HIF1A: variants seen among roughly 807,000 people sequenced by gnomAD.
The protein encoded by HIF1A is hypoxia inducible factor 1 subunit alpha, also known as hypoxia-inducible factor 1-alpha.
Under a neutral mutation model 92.7 loss-of-function variants are expected in HIF1A, and 24 were observed. That is an observed-to-expected ratio of 0.26 (90% CI 0.19 to 0.36). The LOEUF is 0.36. HIF1A is among the 10% of genes least tolerant of loss of function. HIF1A has a pLI of 1.00. For missense variants in HIF1A, 799 were observed against 998.5 expected (o/e 0.80, Z 2.69); for synonymous variants, 319 against 338.7 (o/e 0.94, Z 0.64).
intron 8 of HIF1A, among the ~76,000 whole-genome samples, chr14:61,736,224 G>A (rs4899057): frequency 0.67 from 101,983 of 151,944 alleles, 38,052 homozygotes; most frequent in Non-Finnish European, 0.81. Context: ...CGATCCACCC[G>A]CCTCAGCCTC....
chr14:61,737,237 T>C (rs540222007), intron 9 of HIF1A, 128 bp downstream of exon 9: 1 of 657,368 alleles, frequency 1.5e-6, no homozygotes, highest in African/African-American at 1.8e-5. Context: ...TGTTTATAGT[T>C]TTCTTAAATG....
Position 61,747,733 on chromosome 14 carries a change from A to C in HIF1A, c.*648A>C, listed in dbSNP as rs2044812174. The C allele has an allele frequency of 6.6e-6, 1 of 152,596 alleles. No homozygotes were observed. The highest frequency in any genetic ancestry group is 1.5e-5 in the Non-Finnish European group (1 of 68,002). 9.5% of individuals were successfully genotyped at this position (152,596 alleles called of 1,614,324 possible). A position where few individuals can be genotyped will look rare whatever the true frequency, so the allele number is the denominator to read the frequency against. ...GTTTATTATTTAAATGGGTAAAGCC[A>C]TTTACATAATATAGAAAGATATGCA... On this transcript the variant is annotated 3_prime_UTR_variant, in exon 15 of 15. Transcript: ENST00000337138.
At chr14:61,703,312 G>C (rs1339532373) in intron 1 of HIF1A, among the ~76,000 whole-genome samples, 1 of 152,062 alleles carries the variant, frequency 6.6e-6, no homozygotes, top group Non-Finnish European at 1.5e-5. Flanking sequence ...TTTAAATTTG[G>C]AACACTGGCA....
Position 61,737,051 on chromosome 14 carries a change from A to G in HIF1A, c.1191A>G (p.Leu397=). ...AACTTAAGAAGGAACCTGATGCTTT[A>G]ACTTTGCTGGCCCCAGCCGCTGGAG... ...FDKLKKEPDA[L]TLLAPAAGDT... is the part of the protein sequence containing the mutation. Residue 397 remains leucine (L), a synonymous_variant, in exon 9 of 15, where the codon TTA becomes TTG. Transcript: ENST00000337138. The G allele has an allele frequency of 6.2e-7, 1 of 1,614,204 alleles. No homozygotes were observed.
intron 4 of HIF1A, 45 bp downstream of exon 4, chr14:61,721,868 C>A: frequency 1.5e-6 from 2 of 1,348,128 alleles, no homozygotes; most frequent in Non-Finnish European, 2.1e-6. Context: ...GGTGGTTTTA[C>A]ATAATAAGAT....
At position 61,740,761 on chromosome 14, in the gene HIF1A, G is replaced by T; in HGVS notation, c.1666G>T (p.Asp556Tyr). Residue 556 changes from aspartate to tyrosine, a missense_variant, in exon 12 of 15, where the codon GAT becomes TAT. Coordinates refer to ENST00000337138, the MANE Select transcript of HIF1A (RefSeq NM_001530.4). Reference sequence around the variant, plus strand: ...TGTATTTGCTGTTTTAAAGGACACAGATTTAGACTTGGAGATGTTAGCTCC... The same window carrying T: ...TGTATTTGCTGTTTTAAAGGACACATATTTAGACTTGGAGATGTTAGCTCC... ...AKNPFSTQDT[D>Y]LDLEMLAPYI... 2 of 1,610,764 alleles carry T rather than the reference G, an allele frequency of 1.2e-6. No homozygotes were observed. Among genetic ancestry groups the T allele is most frequent in the Non-Finnish European group, 1.7e-6 (2 of 1,178,334 alleles).
chr14:61,728,262 A>G (rs1396129908), intron 6 of HIF1A, among the ~76,000 whole-genome samples: 2 of 152,114 alleles, frequency 1.3e-5, no homozygotes, highest in Non-Finnish European at 2.9e-5. Flanking sequence ...GTGTATTTTG[A>G]GCAAAGATAG....
intron 12 of HIF1A, among the ~76,000 whole-genome samples, chr14:61,742,248 C>T (rs1034814257): frequency 3.3e-5 from 5 of 152,168 alleles, no homozygotes; most frequent in African/African-American, 1.2e-4. Context: ...TAAGTTTTAT[C>T]TAATAAGTGT....
intron 1 of HIF1A, 94 bp downstream of exon 1, chr14:61,695,933 AT>A: frequency 1.7e-6 from 2 of 1,174,486 alleles, no homozygotes; most frequent in South Asian, 1.3e-5. Flanking sequence ...CGTTAATGGG[AT>A]TGGGGGGGGC....
rs769014483 is a variant in HIF1A, at chr14:61,721,756, C to T, written c.390C>T (p.His130=). ...MGLTQFELTG[H]SVFDFTHPCD... The stretch of plus-strand genomic sequence containing the variant: ...GTTTACAGTTTGAACTAACTGGACA[C>T]AGTGTGTTTGATTTTACTCATCCAT... The change falls in exon 4 of 15, where the codon CAC becomes CAT. Residue 130 remains histidine (H), a synonymous_variant. Coordinates refer to ENST00000337138, the MANE Select transcript of HIF1A (RefSeq NM_001530.4). 6.2e-7 allele frequency: 1 copy of T among 1,613,244 alleles called. No homozygotes were observed. The highest frequency in any genetic ancestry group is 1.7e-5 in the Admixed American group (1 of 60,008).
chr14:61,744,901 G>A (rs1474486912), intron 13 of HIF1A, 88 bp downstream of exon 13: 5 of 555,570 alleles, frequency 9.0e-6, no homozygotes, highest in East Asian at 3.1e-5. Flanking sequence ...GTGTTTCCAC[G>A]TTTCTTCCAA....
intron 8 of HIF1A, 97 bp from the exon 9 acceptor site, chr14:61,736,792 T>C (rs2044643283): frequency 1.3e-6 from 1 of 777,582 alleles, no homozygotes; most frequent in Non-Finnish European, 2.1e-6. Context: ...TTCCTGTCCA[T>C]AAAGCAGAAT....
chr14:61,697,740 G>A (rs2044132536), intron 1 of HIF1A: 2 of 1,331,782 alleles, frequency 1.5e-6, no homozygotes, highest in Non-Finnish European at 9.6e-7. Context: ...AGCACTTTTA[G>A]ATGCTGTTTA....
intron 5 of HIF1A, 128 bp from the exon 6 acceptor site, chr14:61,727,324 AT>A: frequency 1.5e-6 from 1 of 668,682 alleles, no homozygotes; most frequent in East Asian, 2.7e-5. Flanking sequence ...CAAAAACGTG[AT>A]TAATCCACTA....
intron 1 of HIF1A, among the ~76,000 whole-genome samples, chr14:61,711,913 T>C (rs923106348): frequency 2.0e-5 from 3 of 152,204 alleles, no homozygotes; most frequent in African/African-American, 4.8e-5. Flanking sequence ...TCTCAACTTA[T>C]TAATTCATAC....
Position 61,695,580 on chromosome 14 carries a change from C to A in HIF1A, c.-225C>A, listed in dbSNP as rs1226317298. 3.4e-6 allele frequency: 2 copies of A among 589,280 alleles called. No homozygotes were observed. The highest frequency in any genetic ancestry group is 4.0e-5 in the South Asian group (2 of 49,406). 36.5% of individuals were successfully genotyped at this position (589,280 alleles called of 1,614,324 possible). A position where few individuals can be genotyped will look rare whatever the true frequency, so the allele number is the denominator to read the frequency against. On this transcript the variant is annotated 5_prime_UTR_variant, in exon 1 of 15. Transcript: ENST00000337138. ...CTCTTCGTCGCTTCGGCCAGTGTGT[C>A]GGGCTGGGCCCTGACAAGCCACCTG...
chr14:61,745,667 TTGAAA>T lies in HIF1A; in HGVS notation c.2203-22_2203-18del, dbSNP rs2044772252. 2 of 1,594,774 alleles carry T rather than the reference TTGAAA, an allele frequency of 1.3e-6. No homozygotes were observed. The highest frequency in any genetic ancestry group is 2.7e-5 in the African/African-American group (2 of 73,744). On this transcript the variant is annotated intron_variant, in intron 13 of 14. Transcript: ENST00000337138. ...AAAAAAAAAATTCAACAAACTAAACTTGAAATAACTTTACTGTTTATAGGGAACAT... is the reference window on the plus strand; with the variant it reads ...AAAAAAAAAATTCAACAAACTAAACTTAACTTTACTGTTTATAGGGAACAT...
chr14:61,746,389 C>CTACTTTTT (rs147177571), intron 14 of HIF1A, among the ~76,000 whole-genome samples: 2 of 48,620 alleles, frequency 4.1e-5, no homozygotes, highest in Admixed American at 3.4e-4. Flanking sequence ...ACTTTTATGA[C>CTACTTTTT]TTCTTTTTTT....
intron 1 of HIF1A, among the ~76,000 whole-genome samples, chr14:61,715,049 C>A (rs992403259): frequency 1.1e-4 from 16 of 151,496 alleles, no homozygotes; most frequent in African/African-American, 3.9e-4. Context: ...AAAAAAAAAA[C>A]AGTTTCTGTG....
Sources: gnomAD v4.1 joint callset for allele counts (sites outside exome capture counted in the v4.1 genomes callset) on GRCh38, gnomAD v4.1.1 for gene constraint, MANE v1.5 for transcripts, NCBI Gene and HGNC (gene_info 2026-07-23, HGNC 2026-07-21) for gene names.